The following CEACAM20 variants were observed in gnomAD, a reference collection of about 807,000 sequenced individuals.
CEACAM20 encodes the protein CEA cell adhesion molecule 20.
A neutral mutation model predicts 61.2 loss-of-function variants in CEACAM20; 50 were observed. The observed-to-expected ratio is 0.82, with a 90% CI of 0.65 to 1.03. The LOEUF is 1.03. Ranked by LOEUF, CEACAM20 falls within the 50% of genes least tolerant of loss-of-function variation. CEACAM20 has a pLI of 0.00. For missense variants in CEACAM20, 683 were observed against 736.4 expected (o/e 0.93, Z 0.84); for synonymous variants, 282 against 287.7 (o/e 0.98, Z 0.20).
chr19:44,524,011 G>C lies in CEACAM20; in HGVS notation c.447C>G (p.Ser149Arg), dbSNP rs562062188. 2 of 1,552,834 alleles carry C rather than the reference G, an allele frequency of 1.3e-6. No individual in the cohort carries two copies. Among genetic ancestry groups the C allele is most frequent in the Admixed American group, 3.9e-5 (2 of 51,006 alleles). ...ACTTCACATCCAGGAAGATGGGGTCGCTCCTCTGGCTCAGAAGGGCATCTC... is the reference window on the plus strand; with the variant it reads ...ACTTCACATCCAGGAAGATGGGGTCCCTCCTCTGGCTCAGAAGGGCATCTC... Reference protein sequence around the residue: ...EARDALLSQRSDPIFLDVKYG... With the variant: ...EARDALLSQRRDPIFLDVKYG... Residue 149 changes from serine (S) to arginine (R), a missense_variant, in exon 3 of 12, where the codon AGC becomes AGG. Transcript: ENST00000614924.
rs1971000741 is a variant in CEACAM20, at chr19:44,511,584, A to T, written c.1611+53T>A. The T allele has an allele frequency of 3.9e-6, 6 of 1,546,936 alleles. No individual in the cohort carries two copies. The South Asian group carries it at 5.8e-5, about 15-fold the overall frequency. On this transcript the variant is annotated intron_variant, in intron 10 of 11. Transcript: ENST00000614924. Reference sequence around the variant, plus strand: ...CAGGCTTATCACATATAAAATTTTCAGATTGTCTTTCCTTCATAGATTCTT... The same window carrying T: ...CAGGCTTATCACATATAAAATTTTCTGATTGTCTTTCCTTCATAGATTCTT...
At chr19:44,528,503 C>T (rs1368026006) in intron 1 of CEACAM20, among the ~76,000 whole-genome samples, 1 of 152,056 alleles carries the variant, frequency 6.6e-6, no homozygotes, top group Admixed American at 6.6e-5. Flanking sequence ...GGATTACAGG[C>T]GTGAGCCACT....
intron 10 of CEACAM20, 58 bp from the exon 11 acceptor site, chr19:44,511,213 C>G: frequency 6.3e-7 from 1 of 1,595,118 alleles, no homozygotes; most frequent in Admixed American, 1.7e-5. Flanking sequence ...CAGGAATGTA[C>G]CAACTTACAC....
At chr19:44,514,995 G>A (rs755886518) in intron 6 of CEACAM20, among the ~76,000 whole-genome samples, 7 of 141,736 alleles carry the variant, frequency 4.9e-5, no homozygotes, top group African/African-American at 1.6e-4. Flanking sequence ...CCACCACCAC[G>A]CCTGGCTAAT....
chr19:44,525,488 G>A (rs924488189), intron 1 of CEACAM20, among the ~76,000 whole-genome samples: 1 of 152,136 alleles, frequency 6.6e-6, no homozygotes, highest in African/African-American at 2.4e-5. Context: ...TGTCACCCAG[G>A]CTGGCATGCA....
intron 8 of CEACAM20, 61 bp from the exon 9 acceptor site, chr19:44,512,139 GT>G: frequency 7.8e-7 from 1 of 1,281,786 alleles, no homozygotes; most frequent in Non-Finnish European, 1.1e-6. Context: ...GCAAGGGGCT[GT>G]TTTTCCAGGA....
intron 6 of CEACAM20, among the ~76,000 whole-genome samples, chr19:44,514,453 C>T (rs1170966540): frequency 6.9e-6 from 1 of 145,414 alleles, no homozygotes; most frequent in Non-Finnish European, 1.5e-5. Flanking sequence ...TGCATCTCCA[C>T]TTTTTTTTTT....
chr19:44,513,341 C>CTCCCAGCCCGTTCCCAG, intron 6 of CEACAM20, 52 bp from the exon 7 acceptor site: 2 of 1,246,924 alleles, frequency 1.6e-6, no homozygotes, highest in Non-Finnish European at 2.3e-6. Context: ...CTCATCCCTG[C>CTCCCAGCCCGTTCCCAG]TCCCAGCCCG....
intron 1 of CEACAM20, among the ~76,000 whole-genome samples, chr19:44,525,897 C>A (rs912325870): frequency 2.6e-5 from 4 of 152,222 alleles, no homozygotes; most frequent in African/African-American, 7.2e-5. Flanking sequence ...CAATGATGTG[C>A]CCTCTACTGG....
intron 1 of CEACAM20, among the ~76,000 whole-genome samples, chr19:44,528,161 TCTTTCTTTCCTTTCTTTCTTTC>T (rs1280352337): frequency 0.061 from 8,921 of 147,382 alleles, 358 homozygotes; most frequent in Middle Eastern, 0.094. Context: ...TTCTTTCTTT[TCTTTCTTTCCTTTCTTTCTTTC>T]CTTTCTTTCT....
Position 44,517,048 on chromosome 19 carries a change from T to A in CEACAM20, c.1207A>T (p.Ile403Phe). The A allele has an allele frequency of 8.7e-6, 14 of 1,603,454 alleles. No individual in the cohort carries two copies. The highest frequency in any genetic ancestry group is 1.1e-5 in the Non-Finnish European group (13 of 1,175,184). ...TCGTGTTCCCAGGTCAGAGCCCTGA[T>A]AATCAGCTGCTCACCCAGGTGCTCC... ...TGEHLGEQLI[I>F]RALTWEHDGI... Residue 403 changes from isoleucine (I) to phenylalanine (F), a missense_variant, in exon 6 of 12, where the codon ATC becomes TTC. Transcript: ENST00000614924.
intron 11 of CEACAM20, among the ~76,000 whole-genome samples, chr19:44,508,394 A>AT (rs1970878146): frequency 6.6e-6 from 1 of 151,784 alleles, no homozygotes; most frequent in East Asian, 1.9e-4. Flanking sequence ...CTTCTTTTTT[A>AT]TTTTTTTCTT....
At chr19:44,510,878 G>C in intron 11 of CEACAM20, 152 bp downstream of exon 11, 1 of 855,078 alleles carries the variant, frequency 1.2e-6, no homozygotes, top group Admixed American at 3.0e-5. Flanking sequence ...ACTAGAAAAT[G>C]ACATGATGGA....
At chr19:44,517,274 T>A in intron 5 of CEACAM20, 50 bp from the exon 6 acceptor site, 1 of 1,584,092 alleles carries the variant, frequency 6.3e-7, no homozygotes, top group Non-Finnish European at 8.6e-7. Context: ...CAGCGAGTCA[T>A]CCCATTCTGC....
At chr19:44,512,737 A>G (rs777029307) in intron 8 of CEACAM20, 131 bp downstream of exon 8, 1 of 695,628 alleles carries the variant, frequency 1.4e-6, no homozygotes, top group Non-Finnish European at 2.5e-6. Context: ...ATGGGAACAC[A>G]GAGGCTCAGA....
At chr19:44,517,994 T>G (rs1258775686) in intron 5 of CEACAM20, among the ~76,000 whole-genome samples, 1 of 151,666 alleles carries the variant, frequency 6.6e-6, no homozygotes, top group Non-Finnish European at 1.5e-5. Context: ...AAGAATCACT[T>G]GAACCTGGGA....
rs375215293 is a variant in CEACAM20 at position 44,517,268 on chromosome 19, G to A, written c.1031-44C>T. ...GTGATGCACCCTGGCCCCCATCAGC[G>A]AGTCATCCCATTCTGCCCCATTCAC... On this transcript the variant is annotated intron_variant, in intron 5 of 11. Coordinates refer to ENST00000614924, the MANE Select transcript of CEACAM20 (RefSeq NM_001102597.3). 271 of 1,586,844 alleles carry A rather than the reference G, an allele frequency of 1.7e-4. 2 individuals carry two copies. Among genetic ancestry groups the A allele is most frequent in the Non-Finnish European group, 2.0e-4 (233 of 1,169,494 alleles).
At chr19:44,528,087 C>G (rs1039943262) in intron 1 of CEACAM20, among the ~76,000 whole-genome samples, 8 of 152,028 alleles carry the variant, frequency 5.3e-5, no homozygotes, top group African/African-American at 1.9e-4. Context: ...TCTCTTTGTC[C>G]TCTGTCTCCC....
intron 1 of CEACAM20, among the ~76,000 whole-genome samples, chr19:44,527,065 G>A (rs1881043): frequency 0.36 from 54,506 of 151,890 alleles, 10,563 homozygotes; most frequent in East Asian, 0.6. Context: ...ATAAGGGCAC[G>A]AGCTCTTAGG....
Sources: allele counts gnomAD v4.1 joint callset (sites outside exome capture counted in the v4.1 genomes callset), GRCh38; gene constraint gnomAD v4.1.1; transcripts MANE v1.5; gene names NCBI Gene and HGNC (gene_info 2026-07-23, HGNC 2026-07-21).